The following KIAA1217 variants were observed in gnomAD, a reference collection of about 807,000 sequenced individuals.
KIAA1217 encodes sickle tail protein homolog.
KIAA1217 carries 88 observed loss-of-function variants against 163.9 expected under a neutral mutation model. The ratio of observed to expected loss-of-function variants is 0.54; its 90% CI spans 0.45 to 0.64. KIAA1217 has a LOEUF of 0.64. Among genes scored for constraint, KIAA1217 ranks in the 30% least tolerant of loss-of-function variants. The pLI is 0.00. For synonymous variants in KIAA1217, 903 were observed against 923.1 expected, an observed-to-expected ratio of 0.98 and a Z score of 0.39; for missense variants, 2,372 against 2,475.0, an observed-to-expected ratio of 0.96 and a Z score of 0.88.
At chr10:24,215,930 C>T (rs1054463739) in intron 1 of KIAA1217, among the ~76,000 whole-genome samples, 2 of 152,132 alleles carry the variant, frequency 1.3e-5, no homozygotes, top group East Asian at 1.9e-4. Flanking sequence ...AAAGGCAATC[C>T]GATGTTTGCC....
chr10:24,487,376 G>A (rs772130808), intron 6 of KIAA1217, among the ~76,000 whole-genome samples: 13 of 152,232 alleles, frequency 8.5e-5, no homozygotes, highest in Non-Finnish European at 1.6e-4. Context: ...CTCAGCGCCC[G>A]TCATGGTGCT....
chr10:24,168,030 C>G lies in KIAA1217; in HGVS notation c.-170-51596C>G, dbSNP rs997462327. On this transcript the variant is annotated intron_variant, in intron 2 of 18. Coordinates refer to the KIAA1217 transcript ENST00000376462. ...GGCCCCACCACCCAACAGTTTTGCA[C>G]TGGGGGTTAGGTTTCCAACATATGA... Among the ~76,000 whole-genome samples the G allele has an allele frequency of 1.1e-4, 16 of 152,268 alleles. No homozygotes were observed. In the South Asian group the frequency reaches 1.5e-3, roughly 14 times the overall value.
At chr10:24,121,654 T>C (rs545403564) in intron 2 of KIAA1217, among the ~76,000 whole-genome samples, 3 of 152,258 alleles carry the variant, frequency 2.0e-5, no homozygotes, top group African/African-American at 7.2e-5. Flanking sequence ...ATACGACAAA[T>C]AGAGGTTAGC....
intron 2 of KIAA1217, among the ~76,000 whole-genome samples, chr10:24,019,564 G>C (rs543864717): frequency 5.3e-5 from 8 of 152,036 alleles, no homozygotes; most frequent in Admixed American, 1.3e-4. Flanking sequence ...TTCTGTGAAA[G>C]ATCAGATGGT....
intron 6 of KIAA1217, among the ~76,000 whole-genome samples, chr10:24,486,263 C>A (rs1201127064): frequency 9.9e-5 from 15 of 152,198 alleles, no homozygotes; most frequent in Admixed American, 9.8e-4. Flanking sequence ...CCAACCTCAG[C>A]TCAGACTTCC....
chr10:23,810,935 A>G (rs1412385006), intron 1 of KIAA1217, among the ~76,000 whole-genome samples: 4 of 118,292 alleles, frequency 3.4e-5, no homozygotes, highest in Non-Finnish European at 4.8e-5. Context: ...TAGTATATAT[A>G]CTATAGTATA....
At chr10:23,710,603 G>A (rs1021792060) in intron 1 of KIAA1217, among the ~76,000 whole-genome samples, 3 of 152,182 alleles carry the variant, frequency 2.0e-5, no homozygotes, top group African/African-American at 7.2e-5. Flanking sequence ...GAAACATAGT[G>A]GGTGTTCTAT....
chr10:23,716,810 A>G (rs1453675976), intron 1 of KIAA1217, among the ~76,000 whole-genome samples: 1 of 152,186 alleles, frequency 6.6e-6, no homozygotes, highest in Non-Finnish European at 1.5e-5. Flanking sequence ...CTTTCTGGAC[A>G]AATAGATTTT....
rs111666083 is a variant in KIAA1217 at position 23,832,532 on chromosome 10, A to T, written c.-321+137298A>T. Among the ~76,000 whole-genome samples, 789 of 152,196 alleles carry T rather than the reference A, an allele frequency of 5.2e-3. 10 individuals carry two copies. Among genetic ancestry groups the T allele is most frequent in the African/African-American group, 0.017 (713 of 41,528 alleles). ...TCCTGAAGCGCAGGAGTAGGGCTGAAAGTTCCAACCCTCTAATAACATGGT... is the reference window on the plus strand; with the variant it reads ...TCCTGAAGCGCAGGAGTAGGGCTGATAGTTCCAACCCTCTAATAACATGGT... On this transcript the variant is annotated intron_variant, in intron 1 of 18. Coordinates refer to the KIAA1217 transcript ENST00000376462.
At chr10:24,239,680 T>C (rs964580554) in intron 2 of KIAA1217, among the ~76,000 whole-genome samples, 19 of 137,126 alleles carry the variant, frequency 1.4e-4, no homozygotes, top group Middle Eastern at 3.7e-3. Flanking sequence ...CAGATGTGTG[T>C]GTGTGTGTGT....
intron 2 of KIAA1217, among the ~76,000 whole-genome samples, chr10:24,066,098 T>G (rs1230124121): frequency 6.6e-6 from 1 of 152,210 alleles, no homozygotes; most frequent in Non-Finnish European, 1.5e-5. Context: ...CTTTATCCAA[T>G]TTGCCAGTCT....
At chr10:24,282,186 A>G (rs2078018944) in intron 2 of KIAA1217, among the ~76,000 whole-genome samples, 1 of 143,004 alleles carries the variant, frequency 7.0e-6, no homozygotes, top group African/African-American at 2.6e-5. Flanking sequence ...TGGGCAACAT[A>G]GAGACCTCAC....
At chr10:24,459,148 C>T (rs939344475) in intron 5 of KIAA1217, among the ~76,000 whole-genome samples, 3 of 152,176 alleles carry the variant, frequency 2.0e-5, no homozygotes, top group African/African-American at 2.4e-5. Context: ...CTGGTTGGGT[C>T]GGTAGTCTAG....
chr10:23,923,014 T>G (rs1053020736), intron 1 of KIAA1217, among the ~76,000 whole-genome samples: 1 of 152,190 alleles, frequency 6.6e-6, no homozygotes, highest in African/African-American at 2.4e-5. Flanking sequence ...TCTTTAGTGG[T>G]GAGTTCTGAG....
intron 9 of KIAA1217, among the ~76,000 whole-genome samples, chr10:24,506,398 G>A (rs1429179951): frequency 1.3e-5 from 2 of 152,178 alleles, no homozygotes; most frequent in African/African-American, 2.4e-5. Context: ...TTTTCAGGTT[G>A]GGGGAATTAG....
At chr10:23,779,291 T>C (rs1370547208) in intron 1 of KIAA1217, among the ~76,000 whole-genome samples, 2 of 152,184 alleles carry the variant, frequency 1.3e-5, no homozygotes, top group African/African-American at 4.8e-5. Flanking sequence ...TATGACAAAA[T>C]GTCATTATTT....
intron 3 of KIAA1217, among the ~76,000 whole-genome samples, chr10:24,408,921 G>T (rs1372556952): frequency 2.6e-5 from 4 of 152,132 alleles, no homozygotes; most frequent in African/African-American, 7.2e-5. Context: ...ACCAGCATCG[G>T]TGGTCCATGA....
intron 3 of KIAA1217, among the ~76,000 whole-genome samples, chr10:24,394,386 T>A (rs2055417998): frequency 6.6e-6 from 1 of 152,170 alleles, no homozygotes. Flanking sequence ...CTAAACATGA[T>A]AAAAATAAAT....
intron 1 of KIAA1217, among the ~76,000 whole-genome samples, chr10:23,940,460 C>CAAAAAAAAA (rs760090400): frequency 3.5e-4 from 16 of 46,026 alleles, no homozygotes; most frequent in South Asian, 1.0e-3. Flanking sequence ...GACTCCGTCT[C>CAAAAAAAAA]AAAAAAAAAA....
Sources: allele counts gnomAD v4.1 joint callset (sites outside exome capture counted in the v4.1 genomes callset), GRCh38; gene constraint gnomAD v4.1.1; transcripts MANE v1.5; gene names NCBI Gene and HGNC (gene_info 2026-07-23, HGNC 2026-07-21).